ASIP: variants seen among roughly 807,000 people sequenced by gnomAD.
ASIP encodes agouti-signaling protein.
A neutral mutation model predicts 10.3 loss-of-function variants in ASIP; 11 were observed. The ratio of observed to expected loss-of-function variants is 1.07; its 90% CI spans 0.68 to 1.78. The LOEUF is 1.78. Among genes scored for constraint, ASIP ranks in the 40% most tolerant of loss-of-function variants. The pLI, the probability that ASIP is intolerant of heterozygous loss-of-function variation, is 0.00. For synonymous variants in ASIP, 70 were observed against 70.8 expected, an observed-to-expected ratio of 0.99 and a Z score of 0.06; for missense variants, 180 against 169.2, an observed-to-expected ratio of 1.06 and a Z score of -0.35.
chr20:34,189,627 C>T (rs1157498933), upstream of ASIP, among the ~76,000 whole-genome samples: 1 of 152,192 alleles, frequency 6.6e-6, no homozygotes, highest in Non-Finnish European at 1.5e-5. Flanking sequence ...TGAATAGGTG[C>T]ACAATAACAC....
intron 2 of ASIP, among the ~76,000 whole-genome samples, chr20:34,261,958 C>T (rs771229182): frequency 4.0e-5 from 6 of 151,810 alleles, no homozygotes; most frequent in Non-Finnish European, 7.4e-5. Context: ...ACTAAAAATA[C>T]AAAAATTAGC....
chr20:34,201,017 C>CTTACTTCCTTCT (rs2034892333), intron 1 of ASIP, among the ~76,000 whole-genome samples: 1 of 63,418 alleles, frequency 1.6e-5, no homozygotes, highest in Admixed American at 1.6e-4. Context: ...TCCTTCCTTC[C>CTTACTTCCTTCT]TTCTTTCTTT....
Position 34,260,371 on chromosome 20 carries a change from T to C in ASIP, c.-4T>C, listed in dbSNP as rs775072679. 6.2e-7 allele frequency: 1 copy of C among 1,612,930 alleles called. No individual in the cohort carries two copies. The highest frequency in any genetic ancestry group is 1.1e-5 in the South Asian group (1 of 90,886). ...CCTTCTCTGTCCCACTCAGGCCTCCTGGGATGGATGTCACCCGCTTACTCC... is the reference window on the plus strand; with the variant it reads ...CCTTCTCTGTCCCACTCAGGCCTCCCGGGATGGATGTCACCCGCTTACTCC... On this transcript the variant is annotated 5_prime_UTR_variant, in exon 2 of 4. Coordinates refer to ENST00000374954, the MANE Select transcript of ASIP (RefSeq NM_001672.3).
intron 1 of ASIP, among the ~76,000 whole-genome samples, chr20:34,248,988 G>A (rs1023046878): frequency 6.6e-6 from 1 of 151,590 alleles, no homozygotes; most frequent in Non-Finnish European, 1.5e-5. Context: ...AATTAGCCAG[G>A]TGTGGTGGCA....
At chr20:34,208,855 G>T (rs2034954569) in intron 1 of ASIP, among the ~76,000 whole-genome samples, 1 of 152,104 alleles carries the variant, frequency 6.6e-6, no homozygotes, top group Non-Finnish European at 1.5e-5. Context: ...TTATGCCTAA[G>T]TATTTTTTTC....
At chr20:34,220,994 GT>G (rs2122563443) in intron 1 of ASIP, among the ~76,000 whole-genome samples, 1 of 124,702 alleles carries the variant, frequency 8.0e-6, no homozygotes, top group African/African-American at 3.2e-5. Flanking sequence ...GAAGGAGGAT[GT>G]CATAAGAGCT....
chr20:34,239,074 G>T (rs1387209477), upstream of ASIP, among the ~76,000 whole-genome samples: 1 of 152,062 alleles, frequency 6.6e-6, no homozygotes, highest in Admixed American at 6.5e-5. Flanking sequence ...AGCCCCCAAA[G>T]ACACCTGGGC....
intron 3 of ASIP, among the ~76,000 whole-genome samples, chr20:34,266,232 G>C (rs2035782807): frequency 6.6e-6 from 1 of 151,164 alleles, no homozygotes; most frequent in Non-Finnish European, 1.5e-5. Flanking sequence ...GGCGCCTGTA[G>C]TCCCAGCTAC....
At position 34,267,503 on chromosome 20, in the gene ASIP, A is replaced by G. The variant is rs546526312; in HGVS notation, c.223-1488A>G. 5.4e-5 allele frequency among the ~76,000 whole-genome samples: 8 copies of G among 149,452 alleles called. No individual in the cohort carries two copies. In the South Asian group the frequency reaches 1.7e-3, roughly 31 times the overall value. ...AAAAAAGAACTGTGATGTGAGCTAC[A>G]TAATTTTAAATTTGCTTATGGCCAC... On this transcript the variant is annotated intron_variant, in intron 3 of 3. Transcript: ENST00000374954.
chr20:34,197,306 A>G (rs140701935), intron 1 of ASIP, among the ~76,000 whole-genome samples: 3,007 of 152,270 alleles, frequency 0.02, 103 homozygotes, highest in African/African-American at 0.068. Context: ...GGTTGCGGTG[A>G]GCAGAGATCG....
intron 1 of ASIP, among the ~76,000 whole-genome samples, chr20:34,212,929 A>C (rs371683792): frequency 1.2e-4 from 18 of 152,198 alleles, no homozygotes; most frequent in African/African-American, 4.3e-4. Context: ...AGATTTTCCA[A>C]CTCCAGCACT....
In ASIP at chr20:34,215,734, CTTTACA is replaced by C. The variant is rs1047743462; in HGVS notation, c.-11+20976_-11+20981del. ...GTTCCAGTACTTGAAAGCAGAAAAA[CTTTACA>C]TGATCATCACTATATGTCCTCTGGG... On this transcript the variant is annotated intron_variant, in intron 1 of 3. Coordinates refer to the ASIP transcript ENST00000568305. 2.3e-5 allele frequency: 33 copies of C among 1,466,376 alleles called. No individual in the cohort carries two copies. In the Admixed American group the frequency reaches 2.3e-4, roughly 10 times the overall value. 90.8% of individuals were successfully genotyped at this position (1,466,376 alleles called of 1,614,324 possible). A position where few individuals can be genotyped will look rare whatever the true frequency, so the allele number is the denominator to read the frequency against.
intron 3 of ASIP, among the ~76,000 whole-genome samples, chr20:34,266,693 A>G (rs898342104): frequency 6.6e-6 from 1 of 152,166 alleles, no homozygotes; most frequent in Non-Finnish European, 1.5e-5. Context: ...AAACAAACAA[A>G]CAAAAAAGGC....
upstream of ASIP, among the ~76,000 whole-genome samples, chr20:34,192,523 T>C (rs946383696): frequency 6.8e-6 from 1 of 148,074 alleles, no homozygotes; most frequent in Non-Finnish European, 1.5e-5. Flanking sequence ...TTCTTCTTCT[T>C]TTTTTTTTTT....
chr20:34,214,354 C>T (rs1030265224), intron 1 of ASIP: 6 of 1,312,802 alleles, frequency 4.6e-6, no homozygotes, highest in African/African-American at 2.9e-5. Context: ...ACAACAGTTT[C>T]GAAGAACTCC....
At chr20:34,249,809 C>T (rs2035444286) in intron 1 of ASIP, among the ~76,000 whole-genome samples, 1 of 152,130 alleles carries the variant, frequency 6.6e-6, no homozygotes, top group African/African-American at 2.4e-5. Context: ...TTTTTCAGGG[C>T]CAGAGAACCC....
At chr20:34,221,319 G>GCA (rs2035046063) in intron 1 of ASIP, among the ~76,000 whole-genome samples, 1 of 151,848 alleles carries the variant, frequency 6.6e-6, no homozygotes, top group Non-Finnish European at 1.5e-5. Context: ...CGGAGCTTAA[G>GCA]GTGAGCCGAG....
At chr20:34,199,019 G>A (rs764083333) in intron 1 of ASIP, among the ~76,000 whole-genome samples, 3 of 152,038 alleles carry the variant, frequency 2.0e-5, no homozygotes, top group Non-Finnish European at 4.4e-5. Context: ...GGCTTTATAT[G>A]TGTGTGTAGG....
chr20:34,227,915 A>G (rs908118241), intron 1 of ASIP, among the ~76,000 whole-genome samples: 8 of 152,240 alleles, frequency 5.3e-5, no homozygotes, highest in African/African-American at 9.6e-5. Flanking sequence ...AAGATAGACA[A>G]GTCAGTAGTT....
Sources: allele counts gnomAD v4.1 joint callset (sites outside exome capture counted in the v4.1 genomes callset), GRCh38; gene constraint gnomAD v4.1.1; transcripts MANE v1.5; gene names NCBI Gene and HGNC (gene_info 2026-07-23, HGNC 2026-07-21).